STAC: variants seen among roughly 807,000 people sequenced by gnomAD.
STAC encodes the protein SH3 and cysteine rich domain.
STAC carries 43 observed loss-of-function variants against 48.8 expected under a neutral mutation model. That is an observed-to-expected ratio of 0.88 (90% confidence interval 0.69 to 1.14). The LOEUF (loss-of-function observed/expected upper bound fraction) is 1.14, where lower values mean the gene tolerates loss of function less well. STAC is among the 50% of genes most tolerant of loss of function. The probability of loss-of-function intolerance (pLI) is 0.00; values close to 1 mark genes in which losing one functional copy is unlikely to be tolerated. For synonymous variants in STAC, 193 were observed against 179.5 expected (o/e 1.07, Z -0.60); for missense variants, 497 against 504.0 (o/e 0.99, Z 0.13).
At position 36,545,981 on chromosome 3, in the gene STAC, C is replaced by A. The variant is rs149049432; in HGVS notation, c.1111-210C>A. ...ATAAAGCTAAATTTCAGAAAACATT[C>A]AATGCCTGGGCCTCATTCCAAACCT... On this transcript the variant is annotated intron_variant, in intron 10 of 10. Transcript: ENST00000273183. Among the ~76,000 whole-genome samples, 360 of 152,274 alleles carry A rather than the reference C, an allele frequency of 2.4e-3. 1 individual carries two copies. The highest frequency in any genetic ancestry group is 7.9e-3 in the African/African-American group (330 of 41,568).
chr3:36,482,890 T>A, intron 2 of STAC, 102 bp from the exon 3 acceptor site: 1 of 722,010 alleles, frequency 1.4e-6, no homozygotes, highest in Admixed American at 2.8e-5. Context: ...GAAAAAGTTG[T>A]AGGAAAGAAT....
chr3:36,417,856 T>A (rs1187739652), intron 1 of STAC, among the ~76,000 whole-genome samples: 3 of 152,224 alleles, frequency 2.0e-5, no homozygotes, highest in South Asian at 2.1e-4. Flanking sequence ...TATTTAAAAA[T>A]CATTTTCCAT....
chr3:36,493,151 A>T lies in STAC; in HGVS notation c.688A>T (p.Thr230Ser). ...SGSDSPHRTS[T>S]SDLVEVPEEA... Reference sequence around the variant, plus strand: ...CATGCTCTTTCTTCTTTCCTCCAAGACTTCAGATCTTGTGGAGGTTCCTGA... The same window carrying T: ...CATGCTCTTTCTTCTTTCCTCCAAGTCTTCAGATCTTGTGGAGGTTCCTGA... The change falls in exon 6 of 11, where the codon ACT (threonine) becomes TCT (serine). Residue 230 changes from threonine to serine, a missense_variant and splice_region_variant. Transcript: ENST00000273183. The T allele has an allele frequency of 6.2e-7, 1 of 1,612,938 alleles. No individual in the cohort carries two copies. The highest frequency in any genetic ancestry group is 8.5e-7 in the Non-Finnish European group (1 of 1,179,288).
intron 1 of STAC, among the ~76,000 whole-genome samples, chr3:36,422,783 T>C (rs10514698): frequency 0.21 from 31,601 of 152,020 alleles, 3,446 homozygotes; most frequent in Admixed American, 0.24. Context: ...AAATTAATTG[T>C]AACAAGCACT....
At chr3:36,424,860 T>C (rs1449789424) in intron 1 of STAC, among the ~76,000 whole-genome samples, 1 of 152,028 alleles carries the variant, frequency 6.6e-6, no homozygotes, top group East Asian at 1.9e-4. Context: ...CATTCCATAC[T>C]GATAGAAATG....
At chr3:36,386,878 C>T (rs1021949868) in intron 1 of STAC, among the ~76,000 whole-genome samples, 5 of 152,074 alleles carry the variant, frequency 3.3e-5, no homozygotes, top group African/African-American at 9.7e-5. Flanking sequence ...TGCATTTCCA[C>T]GTGCACTTTG....
chr3:36,514,394 C>A (rs1441984611), intron 8 of STAC, among the ~76,000 whole-genome samples: 1 of 151,668 alleles, frequency 6.6e-6, no homozygotes, highest in Non-Finnish European at 1.5e-5. Flanking sequence ...GATCTCAGGT[C>A]AAATTTCATT....
At position 36,424,214 on chromosome 3, in the gene STAC, GT is replaced by G. The variant is rs1010114903; in HGVS notation, c.112-19143del. Among the ~76,000 whole-genome samples, 12 of 150,352 alleles carry G rather than the reference GT, an allele frequency of 8.0e-5. No individual in the cohort carries two copies. The East Asian group carries it at 2.4e-3, about 30-fold the overall frequency. On this transcript the variant is annotated intron_variant, in intron 1 of 10. Coordinates refer to ENST00000273183, the MANE Select transcript of STAC (RefSeq NM_003149.3). ...TTTAAGTAGATTCTCTGTTCTTCATGTTTTTTTCCAATTTCTCTCTTTTGCC... is the reference window on the plus strand; with the variant it reads ...TTTAAGTAGATTCTCTGTTCTTCATGTTTTTTCCAATTTCTCTCTTTTGCC...
intron 10 of STAC, among the ~76,000 whole-genome samples, chr3:36,535,769 TG>T: frequency 6.6e-6 from 1 of 152,200 alleles, no homozygotes; most frequent in Non-Finnish European, 1.5e-5. Context: ...GTGAATTACA[TG>T]TATTGATTTG....
In STAC at chr3:36,456,449, C is replaced by T. The variant is rs1269244621; in HGVS notation, c.388+12809C>T. 3.3e-5 allele frequency among the ~76,000 whole-genome samples: 5 copies of T among 152,096 alleles called. No homozygotes were observed. In the East Asian group the frequency reaches 9.6e-4, roughly 29 times the overall value. On this transcript the variant is annotated intron_variant, in intron 2 of 10. Coordinates refer to ENST00000273183, the MANE Select transcript of STAC (RefSeq NM_003149.3). Reference sequence around the variant, plus strand: ...GTTGTCAAGTTTAAATGAGCCAGTACCCAAATGCAGTCGTGCTCAGTTATT... The same window carrying T: ...GTTGTCAAGTTTAAATGAGCCAGTATCCAAATGCAGTCGTGCTCAGTTATT...
intron 10 of STAC, among the ~76,000 whole-genome samples, chr3:36,531,842 T>C (rs1436894175): frequency 6.6e-6 from 1 of 152,204 alleles, no homozygotes; most frequent in Non-Finnish European, 1.5e-5. Context: ...AGAGGGCAGA[T>C]ATCTTCAAAT....
intron 1 of STAC, among the ~76,000 whole-genome samples, chr3:36,393,978 C>A (rs867909087): frequency 6.6e-6 from 1 of 151,574 alleles, no homozygotes. Flanking sequence ...AAGAAGCTGG[C>A]GGTGGGGGAG....
chr3:36,486,634 C>T (rs1190904373), intron 5 of STAC, among the ~76,000 whole-genome samples: 1 of 152,204 alleles, frequency 6.6e-6, no homozygotes, highest in African/African-American at 2.4e-5. Context: ...TAGCTACATT[C>T]CAGTTCAAAG....
At chr3:36,490,771 G>C (rs764506115) in intron 5 of STAC, among the ~76,000 whole-genome samples, 1 of 152,340 alleles carries the variant, frequency 6.6e-6, no homozygotes, top group East Asian at 1.9e-4. Context: ...AAGACCACCA[G>C]AGGGACAATT....
At chr3:36,419,844 G>T (rs183861002) in intron 1 of STAC, among the ~76,000 whole-genome samples, 38 of 152,240 alleles carry the variant, frequency 2.5e-4, no homozygotes, top group African/African-American at 8.4e-4. Flanking sequence ...ACACCATAAG[G>T]CTGCTTCTTC....
intron 2 of STAC, among the ~76,000 whole-genome samples, chr3:36,457,598 G>C (rs1696889142): frequency 6.6e-6 from 1 of 152,218 alleles, no homozygotes; most frequent in Non-Finnish European, 1.5e-5. Flanking sequence ...AGCTAGAAGA[G>C]CAATTCTGAA....
At chr3:36,432,945 A>G (rs190627157) in intron 1 of STAC, among the ~76,000 whole-genome samples, 170 of 152,358 alleles carry the variant, frequency 1.1e-3, no homozygotes, top group African/African-American at 3.8e-3. Flanking sequence ...GTGTATAATA[A>G]GAGTACAATA....
intron 6 of STAC, among the ~76,000 whole-genome samples, chr3:36,500,820 G>T (rs1418477626): frequency 1.1e-4 from 17 of 152,152 alleles, no homozygotes; most frequent in Admixed American, 1.1e-3. Context: ...GCTGGGCATG[G>T]TGGCTCACAC....
chr3:36,541,468 G>A (rs1699324486), intron 10 of STAC, among the ~76,000 whole-genome samples: 1 of 152,188 alleles, frequency 6.6e-6, no homozygotes, highest in South Asian at 2.1e-4. Context: ...CAGAACTAAG[G>A]TTGCCCAGCT....
Sources: gnomAD v4.1 joint callset for allele counts (sites outside exome capture counted in the v4.1 genomes callset) on GRCh38, gnomAD v4.1.1 for gene constraint, MANE v1.5 for transcripts, NCBI Gene and HGNC (gene_info 2026-07-23, HGNC 2026-07-21) for gene names.